The following PGPEP1L variants were observed in gnomAD, a reference collection of about 807,000 sequenced individuals.
The protein encoded by PGPEP1L is pyroglutamyl-peptidase I like.
Under a neutral mutation model 6.0 loss-of-function variants are expected in PGPEP1L, and 7 were observed. The ratio of observed to expected loss-of-function variants is 1.17; its 90% CI spans 0.66 to 2.19. The LOEUF (loss-of-function observed/expected upper bound fraction) is 2.19. Among genes scored for constraint, PGPEP1L ranks in the 30% most tolerant of loss-of-function variants. The probability of loss-of-function intolerance (pLI) is 0.00; values close to 1 mark genes in which losing one functional copy is unlikely to be tolerated. For synonymous variants in PGPEP1L, 103 were observed against 83.9 expected, an observed-to-expected ratio of 1.23 and a Z score of -1.24; for missense variants, 209 against 192.5, an observed-to-expected ratio of 1.09 and a Z score of -0.51.
chr15:99,006,297 C>T (rs547232100), intron 1 of PGPEP1L, among the ~76,000 whole-genome samples: 2 of 152,352 alleles, frequency 1.3e-5, no homozygotes, highest in African/African-American at 2.4e-5. Context: ...AGCTTGCTAG[C>T]TCTGTGCTCA....
chr15:98,982,674 C>T (rs111569908), intron 2 of PGPEP1L, among the ~76,000 whole-genome samples: 13 of 131,396 alleles, frequency 9.9e-5, no homozygotes, highest in Non-Finnish European at 2.2e-4. Context: ...TCCCTTCCTC[C>T]TCACTCTGGT....
intron 2 of PGPEP1L, among the ~76,000 whole-genome samples, chr15:98,995,076 A>C (rs917931213): frequency 6.6e-6 from 1 of 152,082 alleles, no homozygotes; most frequent in Non-Finnish European, 1.5e-5. Context: ...CTGTGGATTC[A>C]TGCCTTTCAT....
intron 2 of PGPEP1L, among the ~76,000 whole-genome samples, chr15:98,999,517 G>C (rs1555472755): frequency 6.6e-6 from 1 of 152,114 alleles, no homozygotes; most frequent in South Asian, 2.1e-4. Flanking sequence ...CCGGGAAATA[G>C]TTTGACAATT....
intron 4 of PGPEP1L, among the ~76,000 whole-genome samples, chr15:98,968,908 G>A (rs1305708260): frequency 6.6e-6 from 1 of 152,212 alleles, no homozygotes. Context: ...TGACCGGCAA[G>A]TGGCCAAGGC....
intron 2 of PGPEP1L, among the ~76,000 whole-genome samples, chr15:98,982,168 G>A (rs963416354): frequency 6.6e-6 from 1 of 152,236 alleles, no homozygotes; most frequent in East Asian, 1.9e-4. Context: ...GGACTGTGAA[G>A]CCACAGCAGA....
intron 2 of PGPEP1L, among the ~76,000 whole-genome samples, chr15:98,981,306 C>G (rs1014299448): frequency 1.1e-4 from 16 of 151,962 alleles, no homozygotes; most frequent in Non-Finnish European, 2.1e-4. Flanking sequence ...TCCTGGCTAA[C>G]ACAGTGAAAC....
chr15:98,986,051 G>A (rs2017742114), intron 2 of PGPEP1L, among the ~76,000 whole-genome samples: 1 of 152,182 alleles, frequency 6.6e-6, no homozygotes, highest in East Asian at 1.9e-4. Context: ...CTTAGAATCT[G>A]CTTTGTGTTG....
intron 2 of PGPEP1L, among the ~76,000 whole-genome samples, chr15:98,994,517 T>C (rs931246100): frequency 6.6e-6 from 1 of 152,018 alleles, no homozygotes; most frequent in African/African-American, 2.4e-5. Context: ...TAGCCAGGCA[T>C]GGTGGCACGT....
chr15:98,987,564 G>A (rs1011539305), intron 2 of PGPEP1L, among the ~76,000 whole-genome samples: 4 of 152,184 alleles, frequency 2.6e-5, no homozygotes, highest in Non-Finnish European at 2.9e-5. Context: ...GATGGCAGTG[G>A]TGCCTTTACC....
At chr15:98,988,057 G>A (rs915093839) in intron 2 of PGPEP1L, among the ~76,000 whole-genome samples, 3 of 152,306 alleles carry the variant, frequency 2.0e-5, no homozygotes, top group South Asian at 4.1e-4. Flanking sequence ...AAAACTGGAC[G>A]GGGGTTTGGG....
At position 98,971,132 on chromosome 15, in the gene PGPEP1L, A is replaced by G. The variant is rs2017487978; in HGVS notation, c.-115T>C. ...GAGTCCGCAGCTGCACCACTGTTTC[A>G]TTCCCCAGGCCCAGCTTGGAGAGCT... On this transcript the variant is annotated 5_prime_UTR_variant, in exon 3 of 5. The change abolishes an upstream ATG in the 5' untranslated region. Coordinates refer to ENST00000535714, the MANE Select transcript of PGPEP1L (RefSeq NM_001167902.2). The G allele has an allele frequency of 6.4e-7, 1 of 1,556,352 alleles. No homozygotes were observed. Among genetic ancestry groups the G allele is most frequent in the Non-Finnish European group, 8.7e-7 (1 of 1,145,734 alleles).
intron 2 of PGPEP1L, among the ~76,000 whole-genome samples, chr15:98,983,205 GA>G (rs2017694511): frequency 1.3e-5 from 2 of 151,118 alleles, no homozygotes; most frequent in African/African-American, 4.9e-5. Context: ...CTTTCACTTG[GA>G]AAGGTTTGCA....
chr15:98,987,229 C>T (rs2017760887), intron 2 of PGPEP1L, among the ~76,000 whole-genome samples: 1 of 131,112 alleles, frequency 7.6e-6, no homozygotes, highest in African/African-American at 2.9e-5. Flanking sequence ...TTCATATGGA[C>T]ATTTGTTATT....
intron 2 of PGPEP1L, among the ~76,000 whole-genome samples, chr15:98,998,323 G>A (rs563447269): frequency 5.8e-4 from 88 of 152,242 alleles, no homozygotes; most frequent in Non-Finnish European, 1.1e-3. Flanking sequence ...CTTCCCCATG[G>A]AGGCTGCAAC....
At chr15:98,981,564 C>T (rs2017664144) in intron 2 of PGPEP1L, among the ~76,000 whole-genome samples, 1 of 151,686 alleles carries the variant, frequency 6.6e-6, no homozygotes, top group African/African-American at 2.4e-5. Flanking sequence ...TGGCCACAGC[C>T]AAGACAAGCC....
At chr15:99,003,983 G>A (rs184843071) in intron 2 of PGPEP1L, among the ~76,000 whole-genome samples, 2 of 148,322 alleles carry the variant, frequency 1.3e-5, no homozygotes, top group East Asian at 1.9e-4. Context: ...TCTGAAGGTC[G>A]ATAGGAGTTA....
intron 1 of PGPEP1L, among the ~76,000 whole-genome samples, chr15:99,006,282 G>A (rs1179284393): frequency 4.6e-5 from 7 of 152,222 alleles, no homozygotes; most frequent in Non-Finnish European, 1.0e-4. Flanking sequence ...GCTAGCGTCT[G>A]TGCAAGCTTG....
intron 2 of PGPEP1L, chr15:99,001,058 AG>A (rs1436699439): frequency 1.5e-5 from 5 of 335,732 alleles, no homozygotes; most frequent in African/African-American, 1.1e-4. Context: ...CTCACTCCAA[AG>A]GTCCGCAGCT....
At chr15:98,983,335 G>A (rs916714452) in intron 2 of PGPEP1L, among the ~76,000 whole-genome samples, 3 of 151,914 alleles carry the variant, frequency 2.0e-5, no homozygotes, top group African/African-American at 7.3e-5. Flanking sequence ...ATTATTTAAA[G>A]CAACATGTAA....
Sources: gnomAD v4.1 joint callset for allele counts (sites outside exome capture counted in the v4.1 genomes callset) on GRCh38, gnomAD v4.1.1 for gene constraint, MANE v1.5 for transcripts, NCBI Gene and HGNC (gene_info 2026-07-23, HGNC 2026-07-21) for gene names.